Variants in TMEM161B observed in about 807,000 individuals in gnomAD.
The protein encoded by TMEM161B is transmembrane protein 161B.
A neutral mutation model predicts 61.8 loss-of-function variants in TMEM161B; 34 were observed. The observed-to-expected ratio is 0.55, with a 90% CI of 0.42 to 0.73. The LOEUF (loss-of-function observed/expected upper bound fraction) is 0.73, where lower values mean the gene tolerates loss of function less well. TMEM161B is among the 30% of genes least tolerant of loss of function. TMEM161B has a pLI of 0.00. For missense variants in TMEM161B, 456 were observed against 558.5 expected (o/e 0.82, Z 1.85); for synonymous variants, 167 against 192.8 (o/e 0.87, Z 1.11).
chr5:88,253,272 A>G (rs1006278736), intron 1 of TMEM161B, among the ~76,000 whole-genome samples: 1 of 152,136 alleles, frequency 6.6e-6, no homozygotes, highest in African/African-American at 2.4e-5. Context: ...TGTGGATTTT[A>G]TCAAACACTT....
chr5:88,223,207 C>A (rs1749334075), intron 4 of TMEM161B, among the ~76,000 whole-genome samples: 1 of 149,356 alleles, frequency 6.7e-6, no homozygotes, highest in Admixed American at 6.6e-5. Context: ...TAACCCTGTC[C>A]ATGTTATTCA....
intron 2 of TMEM161B, among the ~76,000 whole-genome samples, chr5:88,237,790 C>T (rs545619724): frequency 2.0e-5 from 3 of 151,964 alleles, no homozygotes; most frequent in Non-Finnish European, 4.4e-5. Flanking sequence ...TGTTATTTAA[C>T]AAGAGCTACA....
downstream of TMEM161B, among the ~76,000 whole-genome samples, chr5:88,188,005 T>C (rs2112291467): frequency 6.6e-6 from 1 of 152,318 alleles, no homozygotes; most frequent in East Asian, 1.9e-4. Context: ...TATATAGAAA[T>C]AGAATGCTTA....
At chr5:88,196,608 T>G (rs2112322421) in intron 11 of TMEM161B, 120 bp from the exon 12 acceptor site, 2 of 1,033,178 alleles carry the variant, frequency 1.9e-6, no homozygotes, top group East Asian at 5.6e-5. Context: ...TACATCATTT[T>G]ATGTTAAAAA....
At chr5:88,226,457 T>C (rs191366554) in intron 3 of TMEM161B, among the ~76,000 whole-genome samples, 75 of 152,302 alleles carry the variant, frequency 4.9e-4, no homozygotes, top group African/African-American at 1.6e-3. Flanking sequence ...AAACTAAGGT[T>C]TCAATTTATT....
intron 1 of TMEM161B, among the ~76,000 whole-genome samples, chr5:88,265,159 G>A (rs751931267): frequency 3.3e-5 from 5 of 152,088 alleles, no homozygotes; most frequent in East Asian, 1.9e-4. Context: ...AATTATCAGC[G>A]CAGAGAAGTG....
chr5:88,240,982 C>A (rs1752639941), intron 1 of TMEM161B, 66 bp from the exon 2 acceptor site: 1 of 1,108,320 alleles, frequency 9.0e-7, no homozygotes, highest in Admixed American at 2.6e-5. Flanking sequence ...TGCTGGAAAA[C>A]TTTCTGTACA....
chr5:88,197,562 A>G, intron 11 of TMEM161B, 107 bp downstream of exon 11: 1 of 975,640 alleles, frequency 1.0e-6, no homozygotes, highest in Non-Finnish European at 1.5e-6. Context: ...ACAACTTTTA[A>G]AAAGAGAAAC....
chr5:88,237,039 G>A (rs1269645760), intron 2 of TMEM161B, among the ~76,000 whole-genome samples: 1 of 152,086 alleles, frequency 6.6e-6, no homozygotes, highest in Non-Finnish European at 1.5e-5. Context: ...ATAAATACTA[G>A]ACTGTGAATC....
intron 5 of TMEM161B, among the ~76,000 whole-genome samples, chr5:88,213,999 T>C (rs1157689850): frequency 1.3e-5 from 2 of 152,174 alleles, no homozygotes; most frequent in African/African-American, 4.8e-5. Flanking sequence ...TTAAAGCCTT[T>C]GAAGGAATTT....
chr5:88,214,551 C>A (rs1747463771), intron 5 of TMEM161B, among the ~76,000 whole-genome samples: 1 of 152,118 alleles, frequency 6.6e-6, no homozygotes, highest in Admixed American at 6.5e-5. Context: ...TACCTTTTTA[C>A]TTTTCATTTT....
chr5:88,230,322 T>G (rs1339139002), intron 2 of TMEM161B, among the ~76,000 whole-genome samples: 1 of 152,208 alleles, frequency 6.6e-6, no homozygotes, highest in Admixed American at 6.5e-5. Flanking sequence ...AAAAATCTCA[T>G]TATTTTTGAT....
intron 8 of TMEM161B, among the ~76,000 whole-genome samples, chr5:88,205,506 T>C (rs1463886447): frequency 5.3e-5 from 8 of 152,204 alleles, no homozygotes; most frequent in Admixed American, 1.3e-4. Flanking sequence ...GAAATTTCTA[T>C]GGATCCTCAG....
At chr5:88,239,658 C>A (rs948339943) in intron 2 of TMEM161B, among the ~76,000 whole-genome samples, 2 of 151,900 alleles carry the variant, frequency 1.3e-5, no homozygotes, top group African/African-American at 4.8e-5. Flanking sequence ...ACCTGTGTAT[C>A]ACATTGTTCC....
chr5:88,223,059 A>G (rs1749294984), intron 4 of TMEM161B, among the ~76,000 whole-genome samples: 1 of 151,504 alleles, frequency 6.6e-6, no homozygotes, highest in African/African-American at 2.4e-5. Context: ...ATTTGCAACT[A>G]GTTCTCAAAA....
At chr5:88,235,217 C>T (rs945919979) in intron 2 of TMEM161B, among the ~76,000 whole-genome samples, 1 of 152,120 alleles carries the variant, frequency 6.6e-6, no homozygotes. Context: ...ATTTATAGTG[C>T]TTTAGAAATT....
chr5:88,227,371 TA>T (rs1211306207), intron 3 of TMEM161B, among the ~76,000 whole-genome samples: 3 of 152,166 alleles, frequency 2.0e-5, no homozygotes, highest in Non-Finnish European at 4.4e-5. Flanking sequence ...TTCTCATTAG[TA>T]AAGTGTAAAT....
At chr5:88,261,992 A>G (rs2112781332) in intron 1 of TMEM161B, among the ~76,000 whole-genome samples, 1 of 152,260 alleles carries the variant, frequency 6.6e-6, no homozygotes, top group East Asian at 1.9e-4. Flanking sequence ...GAGAAAACAA[A>G]CCAGACCAGG....
chr5:88,242,749 T>C lies in TMEM161B; in HGVS notation c.4-1833A>G, dbSNP rs534000649. 1.4e-4 allele frequency among the ~76,000 whole-genome samples: 22 copies of C among 151,842 alleles called. No homozygotes were observed. The East Asian group carries it at 4.3e-3, about 30-fold the overall frequency. On this transcript the variant is annotated intron_variant, in intron 1 of 11. Transcript: ENST00000296595. ...CTATTTGTTTTTATTGTCACTGTTATTATCACTACTAGAAGACACAATTTT... is the reference window on the plus strand; with the variant it reads ...CTATTTGTTTTTATTGTCACTGTTACTATCACTACTAGAAGACACAATTTT...
Sources: gnomAD v4.1 joint callset for allele counts (sites outside exome capture counted in the v4.1 genomes callset) on GRCh38, gnomAD v4.1.1 for gene constraint, MANE v1.5 for transcripts, NCBI Gene and HGNC (gene_info 2026-07-23, HGNC 2026-07-21) for gene names.